The following DGKH variants were observed in gnomAD, a reference collection of about 807,000 sequenced individuals.
The protein encoded by DGKH is DAG kinase eta.
DGKH carries 90 observed loss-of-function variants against 159.3 expected under a neutral mutation model. The observed-to-expected ratio is 0.57, with a 90% CI of 0.48 to 0.67. DGKH has a LOEUF of 0.67. DGKH is among the 30% of genes least tolerant of loss of function. The pLI is 0.00. For missense variants in DGKH, 1,181 were observed against 1,506.1 expected, an observed-to-expected ratio of 0.78 and a Z score of 3.57; for synonymous variants, 536 against 553.8, an observed-to-expected ratio of 0.97 and a Z score of 0.45.
At chr13:42,042,118 TGTC>T (rs1181175156) in intron 1 of DGKH, among the ~76,000 whole-genome samples, 1 of 152,240 alleles carries the variant, frequency 6.6e-6, no homozygotes, top group African/African-American at 2.4e-5. Flanking sequence ...AATTTGAACA[TGTC>T]GTCAGGTTGC....
rs1354642583 is a variant in DGKH at position 42,206,052 on chromosome 13, A to C, written c.2507A>C (p.Tyr836Ser). The C allele has an allele frequency of 1.8e-5, 26 of 1,409,406 alleles. No homozygotes were observed. 87.3% of individuals were successfully genotyped at this position (1,409,406 alleles called of 1,614,324 possible). ...QRVQLECDGQ[Y>S]IPLPSLQGIA... Reference sequence around the variant, plus strand: ...TTTACCTTACAGTGTGATGGGCAGTATATTCCTCTTCCCAGCTTGCAAGGC... The same window carrying C: ...TTTACCTTACAGTGTGATGGGCAGTCTATTCCTCTTCCCAGCTTGCAAGGC... The change falls in exon 21 of 30, where the codon TAT (tyrosine) becomes TCT (serine). Residue 836 changes from tyrosine to serine, a missense_variant. By Grantham distance (144) the Tyr-to-Ser change is moderately radical (BLOSUM62 -2). Coordinates refer to ENST00000337343, the MANE Select transcript of DGKH (RefSeq NM_178009.5).
intron 1 of DGKH, among the ~76,000 whole-genome samples, chr13:42,041,769 G>A (rs1880523375): frequency 6.6e-6 from 1 of 152,120 alleles, no homozygotes; most frequent in Non-Finnish European, 1.5e-5. Context: ...TCCACGCCCT[G>A]CCTCGATATT....
intron 18 of DGKH, among the ~76,000 whole-genome samples, 184 bp downstream of exon 18, chr13:42,198,779 C>A (rs546899306): frequency 7.0e-4 from 106 of 152,070 alleles, no homozygotes; most frequent in African/African-American, 2.5e-3. Flanking sequence ...CAGTGGTCTC[C>A]GTGATCTGTC....
chr13:42,159,263 T>TTTTTTTTTTTTTTTTAA lies in DGKH; in HGVS notation c.623-3_623-2insTTTTTTTTTTTTTTTAA. 7.2e-6 allele frequency: 9 copies of TTTTTTTTTTTTTTTTAA among 1,249,716 alleles called. No homozygotes were observed. Among genetic ancestry groups the TTTTTTTTTTTTTTTTAA allele is most frequent in the South Asian group, 1.4e-5 (1 of 72,782 alleles). The allele number at this position is 1,249,716 out of a possible 1,614,324, so 77.4% of individuals were successfully genotyped here. A position where few individuals can be genotyped will look rare whatever the true frequency, so the allele number is the denominator to read the frequency against. The stretch of plus-strand genomic sequence containing the variant: ...GTTGCTCTTTTTTTTTTTTTTTTTT[T>TTTTTTTTTTTTTTTTAA]AGTGTGTAAATTCAAGGCTCACAAA... On this transcript the variant is annotated splice_polypyrimidine_tract_variant and splice_region_variant and intron_variant, in intron 5 of 29. Coordinates refer to ENST00000337343, the MANE Select transcript of DGKH (RefSeq NM_178009.5).
intron 1 of DGKH, among the ~76,000 whole-genome samples, chr13:42,066,947 G>A (rs1418138904): frequency 6.6e-6 from 1 of 151,940 alleles, no homozygotes; most frequent in African/African-American, 2.4e-5. Context: ...TTTAAAGAAT[G>A]TATGTATATG....
At chr13:42,160,695 G>T (rs1956158941) in intron 7 of DGKH, among the ~76,000 whole-genome samples, 1 of 152,168 alleles carries the variant, frequency 6.6e-6, no homozygotes, top group African/African-American at 2.4e-5. Flanking sequence ...GGAGGTCGTG[G>T]GTGTGAGCGT....
chr13:42,048,634 C>A, upstream of DGKH: 3 of 1,101,092 alleles, frequency 2.7e-6, no homozygotes, highest in Non-Finnish European at 2.3e-6. The surrounding 1 kb of genome is among the most constrained non-coding windows in gnomAD (Gnocchi z 6.7). Flanking sequence ...ACCCTTACCT[C>A]GCGGGGGTAG....
intron 1 of DGKH, among the ~76,000 whole-genome samples, chr13:42,089,418 G>C (rs1369030821): frequency 6.6e-6 from 1 of 151,880 alleles, no homozygotes; most frequent in Admixed American, 6.6e-5. Flanking sequence ...CAAACTTATT[G>C]GCTTAATACA....
intron 1 of DGKH, among the ~76,000 whole-genome samples, chr13:42,073,246 A>G (rs769951635): frequency 1.3e-5 from 2 of 152,202 alleles, no homozygotes; most frequent in Non-Finnish European, 2.9e-5. Context: ...TATGCAGTGT[A>G]TTAATTCTTT....
Position 42,190,487 on chromosome 13 carries a change from A to G in DGKH, c.1997A>G (p.Glu666Gly). The change falls in exon 16 of 30, where the codon GAG becomes GGG. Residue 666 changes from glutamate (E) to glycine (G), a missense_variant. Around this residue, in one of 5 missense-constraint regions of DGKH, gnomAD observed 257 missense variants for 281.5 expected, o/e 0.91. Coordinates refer to ENST00000337343, the MANE Select transcript of DGKH (RefSeq NM_178009.5). Reference protein sequence around the residue: ...YDSTETDESKEEAKDDGAKES... With the variant: ...YDSTETDESKGEAKDDGAKES... Reference sequence around the variant, plus strand: ...AGCACAGAAACAGATGAATCTAAGGAGGAAGCTAAAGATGATGGTGCCAAA... The same window carrying G: ...AGCACAGAAACAGATGAATCTAAGGGGGAAGCTAAAGATGATGGTGCCAAA... 1 of 1,608,582 alleles carries G rather than the reference A, an allele frequency of 6.2e-7. No individual in the cohort carries two copies. Among genetic ancestry groups the G allele is most frequent in the Non-Finnish European group, 8.5e-7 (1 of 1,178,076 alleles).
rs1371441343 is a variant in DGKH, at chr13:42,228,596, G to T, written c.3574-503G>T. On this transcript the variant is annotated intron_variant, in intron 29 of 29. Transcript: ENST00000337343. ...TTTTTTTCTCAGAGATCCCAAAAGAGCCTTTGAGAGAGAGAGAGAGAGAGG... is the reference window on the plus strand; with the variant it reads ...TTTTTTTCTCAGAGATCCCAAAAGATCCTTTGAGAGAGAGAGAGAGAGAGG... Among the ~76,000 whole-genome samples the T allele has an allele frequency of 2.0e-5, 3 of 151,106 alleles. No homozygotes were observed. The South Asian group carries it at 6.4e-4, about 32-fold the overall frequency.
chr13:42,219,842 C>A, intron 28 of DGKH, 48 bp downstream of exon 28: 1 of 1,543,524 alleles, frequency 6.5e-7, no homozygotes, highest in Non-Finnish European at 8.9e-7. Flanking sequence ...GAAAAAAGAG[C>A]TGATTAAAGT....
chr13:42,216,598 G>A (rs1957801410), intron 26 of DGKH: 1 of 152,186 alleles, frequency 6.6e-6, no homozygotes, highest in African/African-American at 2.4e-5. Flanking sequence ...TTTCGCCTAT[G>A]GTCCAGAAAA....
At chr13:42,185,018 A>G (rs1261768064) in intron 13 of DGKH, among the ~76,000 whole-genome samples, 2 of 152,138 alleles carry the variant, frequency 1.3e-5, no homozygotes. Flanking sequence ...TCTTATGTAT[A>G]AAGTAGAAAA....
chr13:42,213,744 A>C (rs1373049389), intron 24 of DGKH, among the ~76,000 whole-genome samples: 3 of 152,162 alleles, frequency 2.0e-5, no homozygotes, highest in Non-Finnish European at 4.4e-5. Flanking sequence ...GTCAGAAGCA[A>C]AAAAAACACT....
At chr13:42,194,544 G>C (rs1349053408) in intron 16 of DGKH, among the ~76,000 whole-genome samples, 1 of 152,204 alleles carries the variant, frequency 6.6e-6, no homozygotes. Flanking sequence ...GATTACATGG[G>C]TAGTGTGCAT....
intron 1 of DGKH, chr13:42,071,015 C>A: frequency 7.7e-7 from 1 of 1,290,518 alleles, no homozygotes; most frequent in Non-Finnish European, 1.1e-6. Flanking sequence ...CCTCCACAAC[C>A]CAGTGGTTTT....
At chr13:42,083,774 A>G (rs759858929) in intron 1 of DGKH, among the ~76,000 whole-genome samples, 12 of 152,348 alleles carry the variant, frequency 7.9e-5, no homozygotes, top group Admixed American at 5.2e-4. Flanking sequence ...AAAAGCTTTT[A>G]AAGAAATATT....
intron 3 of DGKH, chr13:42,140,862 G>A (rs1955529826): frequency 6.6e-6 from 1 of 150,766 alleles, no homozygotes; most frequent in South Asian, 2.1e-4. Flanking sequence ...GTGGAATAGG[G>A]GCCTAATACG....
Sources: gnomAD v4.1 joint callset for allele counts (sites outside exome capture counted in the v4.1 genomes callset) on GRCh38, gnomAD v4.1.1 for gene constraint, gnomAD v4.1.1 regional missense constraint, Gnocchi (gnomAD v3.1) non-coding constraint, MANE v1.5 for transcripts, NCBI Gene and HGNC (gene_info 2026-07-23, HGNC 2026-07-21) for gene names.